The following ZNF432 variants were observed in gnomAD, a reference collection of about 807,000 sequenced individuals.
ZNF432 encodes the protein zinc finger protein 432.
In ZNF432, 10 loss-of-function variants were observed where a neutral mutation model predicts 13.9. The observed-to-expected ratio is 0.72, with a 90% CI of 0.44 to 1.22. The LOEUF is 1.22. Ranked by LOEUF, ZNF432 falls within the 50% of genes most tolerant of loss-of-function variation. The probability of loss-of-function intolerance (pLI) is 0.00; values close to 1 mark genes in which losing one functional copy is unlikely to be tolerated. For synonymous variants in ZNF432, 247 were observed against 256.2 expected (o/e 0.96, Z 0.34); for missense variants, 793 against 796.2 (o/e 1.00, Z 0.05).
chr19:52,043,737 G>A (rs144509562), intron 2 of ZNF432, among the ~76,000 whole-genome samples: 156 of 152,366 alleles, frequency 1.0e-3, no homozygotes, highest in African/African-American at 3.5e-3. Flanking sequence ...GGACATTCGG[G>A]CAGCAATACT....
intron 2 of ZNF432, among the ~76,000 whole-genome samples, chr19:52,045,000 T>C (rs1037321780): frequency 6.6e-5 from 10 of 152,046 alleles, no homozygotes; most frequent in East Asian, 1.9e-4. Flanking sequence ...ACACTAACGA[T>C]AGCTGGAAAA....
intron 4 of ZNF432, among the ~76,000 whole-genome samples, chr19:52,036,957 C>G (rs1190302042): frequency 1.3e-5 from 2 of 152,076 alleles, no homozygotes; most frequent in Non-Finnish European, 2.9e-5. Flanking sequence ...AGGTGTGAGC[C>G]AAGGCACTGA....
Position 52,034,304 on chromosome 19 carries a change from A to T in ZNF432, c.1375T>A (p.Cys459Ser), listed in dbSNP as rs759715115. Residue 459 changes from cysteine (C) to serine (S), a missense_variant, in exon 5 of 5, where the codon TGC (cysteine) becomes AGC (serine). By Grantham distance (112) the Cys-to-Ser change is moderately radical. Coordinates refer to ENST00000221315, the MANE Select transcript of ZNF432 (RefSeq NM_014650.4). ...GGGAAGCCTTTCCCACATTCACTGC[A>T]TGTGTAGGGCTTCTCTCCTGTATGA... is the stretch of plus-strand genomic sequence containing the variant. ...RTHTGEKPYT[C>S]SECGKGFPLK... is the part of the protein sequence containing the mutation. 2.5e-6 allele frequency: 4 copies of T among 1,609,684 alleles called. No homozygotes were observed. The highest frequency in any genetic ancestry group is 3.4e-6 in the Non-Finnish European group (4 of 1,177,134).
At chr19:52,047,305 G>A (rs2087194410) in intron 1 of ZNF432, 1 of 173,714 alleles carries the variant, frequency 5.8e-6, no homozygotes, top group East Asian at 1.6e-4. Context: ...AGGCCATATG[G>A]ATGGTGAGAA....
intron 4 of ZNF432, among the ~76,000 whole-genome samples, chr19:52,038,383 G>A (rs948802633): frequency 1.3e-5 from 2 of 152,130 alleles, no homozygotes; most frequent in African/African-American, 4.8e-5. Flanking sequence ...TCTGCCTCCT[G>A]GGTTCAAGCA....
chr19:52,038,833 G>A (rs1309938640), intron 4 of ZNF432, among the ~76,000 whole-genome samples: 2 of 152,342 alleles, frequency 1.3e-5, no homozygotes, highest in East Asian at 3.9e-4. Context: ...ATGATCTCTA[G>A]GCCCCTGGAA....
chr19:52,034,135 C>T lies in ZNF432; in HGVS notation c.1544G>A (p.Cys515Tyr). 1 of 1,614,090 alleles carries T rather than the reference C, an allele frequency of 6.2e-7. No individual in the cohort carries two copies. The highest frequency in any genetic ancestry group is 2.2e-5 in the East Asian group (1 of 44,884). Residue 515 changes from cysteine to tyrosine, a missense_variant, in exon 5 of 5, where the codon TGC becomes TAC. By Grantham distance (194) the Cys-to-Tyr change is radical. Coordinates refer to ENST00000221315, the MANE Select transcript of ZNF432 (RefSeq NM_014650.4). ...GGCAAAACCTTTTCCACATTCATTGCATATGTACGGTTTCTCTCCAGTATG... is the reference window on the plus strand; with the variant it reads ...GGCAAAACCTTTTCCACATTCATTGTATATGTACGGTTTCTCTCCAGTATG... ...RTHTGEKPYICNECGKGFAFK... is the reference protein window; with the variant it reads ...RTHTGEKPYIYNECGKGFAFK...
rs2087037056 is a variant in ZNF432 at position 52,033,637 on chromosome 19, T to C, written c.*83A>G. The C allele has an allele frequency of 1.4e-6, 2 of 1,435,222 alleles. No homozygotes were observed. The highest frequency in any genetic ancestry group is 1.9e-6 in the Non-Finnish European group (2 of 1,064,686). 88.9% of individuals were successfully genotyped at this position (1,435,222 alleles called of 1,614,324 possible). On this transcript the variant is annotated 3_prime_UTR_variant, in exon 5 of 5. Transcript: ENST00000221315. ...TATGATTTTTCATACTCAGTACACATGTAGAAAATCTATACTGTGAAATCT... is the reference window on the plus strand; with the variant it reads ...TATGATTTTTCATACTCAGTACACACGTAGAAAATCTATACTGTGAAATCT...
At chr19:52,038,323 CTTG>C (rs2087104123) in intron 4 of ZNF432, among the ~76,000 whole-genome samples, 1 of 152,110 alleles carries the variant, frequency 6.6e-6, no homozygotes, top group African/African-American at 2.4e-5. Context: ...GAGTTGTGCT[CTTG>C]TTGCCCAGGC....
rs1167051382 is a variant in ZNF432 at position 52,048,787 on chromosome 19, C to G, written c.-285G>C. 6.6e-6 allele frequency: 1 copy of G among 152,568 alleles called. No homozygotes were observed. Among genetic ancestry groups the G allele is most frequent in the Non-Finnish European group, 1.5e-5 (1 of 68,176 alleles). The allele number at this position is 152,568 out of a possible 1,614,324, so 9.5% of individuals were successfully genotyped here. A position where few individuals can be genotyped will look rare whatever the true frequency, so the allele number is the denominator to read the frequency against. ...CTGGGCCCCTCGCCCAACTCCCTCC[C>G]CCTCTAAACCTCCAGAGACGGTCAG... is the stretch of plus-strand genomic sequence containing the variant. On this transcript the variant is annotated 5_prime_UTR_variant, in exon 1 of 5. Transcript: ENST00000221315.
chr19:52,036,565 G>T (rs974213268), intron 4 of ZNF432, among the ~76,000 whole-genome samples: 1 of 152,182 alleles, frequency 6.6e-6, no homozygotes, highest in African/African-American at 2.4e-5. Flanking sequence ...ACTTTGAAAT[G>T]GTTATCAAAT....
rs1476424542 is a variant in ZNF432 at position 52,033,456 on chromosome 19, T to C, written c.*264A>G. ...GACGTTGTCATAGTTTTAATGAAGG[T>C]TGACAAATGAAAGGTTACCCCCAAT... is the stretch of plus-strand genomic sequence containing the variant. On this transcript the variant is annotated 3_prime_UTR_variant, in exon 5 of 5. Coordinates refer to ENST00000221315, the MANE Select transcript of ZNF432 (RefSeq NM_014650.4). 1.5e-5 allele frequency: 6 copies of C among 405,904 alleles called. No individual in the cohort carries two copies. The highest frequency in any genetic ancestry group is 1.0e-4 in the African/African-American group (5 of 49,484). 25.1% of individuals were successfully genotyped at this position (405,904 alleles called of 1,614,324 possible). A position where few individuals can be genotyped will look rare whatever the true frequency, so the allele number is the denominator to read the frequency against.
Position 52,035,142 on chromosome 19 carries a change from G to A in ZNF432, c.537C>T (p.Phe179=). 6.2e-7 allele frequency: 1 copy of A among 1,613,998 alleles called. No individual in the cohort carries two copies. Among genetic ancestry groups the A allele is most frequent in the Non-Finnish European group, 8.5e-7 (1 of 1,180,000 alleles). Residue 179 remains phenylalanine (F), a synonymous_variant, in exon 5 of 5, where the codon TTC becomes TTT. Transcript: ENST00000221315. The part of the protein sequence containing the change: ...NYEELYSAAK[F]SVSTKANSTK... ...TGCTATTGGCTTTTGTACTTACAGA[G>A]AATTTAGCTGCAGAATAAAGTTCTT... is the stretch of plus-strand genomic sequence containing the variant.
Position 52,035,433 on chromosome 19 carries a change from G to A in ZNF432, c.246C>T (p.Asn82=), listed in dbSNP as rs562441326. 6.1e-5 allele frequency: 94 copies of A among 1,533,358 alleles called. 1 individual carries two copies. In the South Asian group the frequency reaches 9.4e-4, roughly 15 times the overall value. 95.0% of individuals were successfully genotyped at this position (1,533,358 alleles called of 1,614,324 possible). Residue 82 remains asparagine (N), a synonymous_variant, in exon 5 of 5, where the codon AAC becomes AAT. Coordinates refer to ENST00000221315, the MANE Select transcript of ZNF432 (RefSeq NM_014650.4). ...ERHSRICPEN[N]EVDDHLQDHL... Reference sequence around the variant, plus strand: ...GATCCTGCAGATGATCATCAACTTCGTTGTTTTCTAGGAAAGAAGAGAACA... The same window carrying A: ...GATCCTGCAGATGATCATCAACTTCATTGTTTTCTAGGAAAGAAGAGAACA...
At chr19:52,047,683 A>T (rs1224393298) in intron 1 of ZNF432, among the ~76,000 whole-genome samples, 2 of 150,324 alleles carry the variant, frequency 1.3e-5, no homozygotes, top group Non-Finnish European at 2.9e-5. Context: ...AAAAAAAAAA[A>T]AAAATGTTTA....
In ZNF432 at chr19:52,046,889, G is replaced by A. The variant is rs1291941792; in HGVS notation, c.-21C>T. 1 of 1,612,706 alleles carries A rather than the reference G, an allele frequency of 6.2e-7. No individual in the cohort carries two copies. The highest frequency in any genetic ancestry group is 1.7e-5 in the Admixed American group (1 of 59,884). ...ATCATTTTCTTCTGTTGTGGGAAAT[G>A]GCCAGCACCTGGGATACTCTGTCTT... is the stretch of plus-strand genomic sequence containing the variant. On this transcript the variant is annotated 5_prime_UTR_variant, in exon 2 of 5. Transcript: ENST00000221315.
intron 3 of ZNF432, among the ~76,000 whole-genome samples, chr19:52,040,933 T>C (rs1233512238): frequency 2.7e-5 from 4 of 145,536 alleles, no homozygotes; most frequent in Non-Finnish European, 6.1e-5. Flanking sequence ...ATAGACTCCA[T>C]CTCTACAAAA....
rs1483656384 is a variant in ZNF432, at chr19:52,033,860, TGA to T, written c.1817_1818del (p.Phe606TyrfsTer23). ...TGAACAATTAGACGGCTCTTCATAG[TGA>T]AGCCTTTACCACATTCATTACATCC... ...PYGCNECGKG[F>X]TMKSRLIVHQ... is the part of the protein sequence containing the mutation. On this transcript the variant is annotated frameshift_variant, in exon 5 of 5. Transcript: ENST00000221315. LOFTEE classifies it low-confidence loss of function (END_TRUNC). The T allele has an allele frequency of 6.2e-7, 1 of 1,614,122 alleles. No individual in the cohort carries two copies.
chr19:52,038,533 C>T (rs1489178664), intron 4 of ZNF432, among the ~76,000 whole-genome samples: 4 of 152,142 alleles, frequency 2.6e-5, no homozygotes, highest in African/African-American at 9.7e-5. Flanking sequence ...CAGGTGTTCC[C>T]CCCACCTAGG....
Sources: gnomAD v4.1 joint callset for allele counts (sites outside exome capture counted in the v4.1 genomes callset) on GRCh38, gnomAD v4.1.1 for gene constraint, MANE v1.5 for transcripts, NCBI Gene and HGNC (gene_info 2026-07-23, HGNC 2026-07-21) for gene names.